The following ZMYM5 variants were observed in gnomAD, a reference collection of about 807,000 sequenced individuals.
ZMYM5 encodes the protein zinc finger MYM-type containing 5.
A neutral mutation model predicts 61.8 loss-of-function variants in ZMYM5; 41 were observed. That is an observed-to-expected ratio of 0.66 (90% CI 0.52 to 0.86). ZMYM5 has a LOEUF of 0.86. Ranked by LOEUF, ZMYM5 falls within the 40% of genes least tolerant of loss-of-function variation. The pLI, the probability that ZMYM5 is intolerant of heterozygous loss-of-function variation, is 0.00. For missense variants in ZMYM5, 706 were observed against 786.7 expected (o/e 0.90, Z 1.23); for synonymous variants, 257 against 276.4 (o/e 0.93, Z 0.70).
chr13:19,852,444 C>T (rs184413112), intron 2 of ZMYM5, among the ~76,000 whole-genome samples: 2 of 152,150 alleles, frequency 1.3e-5, no homozygotes, highest in East Asian at 3.9e-4. Context: ...TGAAAAAATG[C>T]CTGCCTTCCT....
At position 19,826,733 on chromosome 13, in the gene ZMYM5, G is replaced by A. The variant is rs1243473795; in HGVS notation, c.1252-1498C>T. Among the ~76,000 whole-genome samples, 8 of 149,228 alleles carry A rather than the reference G, an allele frequency of 5.4e-5. No individual in the cohort carries two copies. The East Asian group carries it at 7.9e-4, about 15-fold the overall frequency. On this transcript the variant is annotated intron_variant, in intron 7 of 7. Transcript: ENST00000337963. The stretch of plus-strand genomic sequence containing the variant: ...CTCGCCACTGCACTCCAGCCTGGGC[G>A]ACAGGAGGGAGACTCCGTCTCGTTA...
At position 19,837,741 on chromosome 13, in the gene ZMYM5, C is replaced by T; in HGVS notation, c.953G>A (p.Cys318Tyr). 1 of 1,585,810 alleles carries T rather than the reference C, an allele frequency of 6.3e-7. No homozygotes were observed. The highest frequency in any genetic ancestry group is 8.5e-7 in the Non-Finnish European group (1 of 1,172,948). ...CCAGTTGTTTTCACAGGGAGACAAA[C>T]AAGATGTACTATAAAATTCTTGGAA... ...KSFQEFYSTS[C>Y]LSPCENNWNL... Residue 318 changes from cysteine to tyrosine, a missense_variant, in exon 6 of 8, where the codon TGT becomes TAT. Cys to Tyr is a radical substitution (Grantham distance 194, BLOSUM62 -2). Transcript: ENST00000337963.
In ZMYM5 at chr13:19,860,101, CAAAAAAAAAAAAAAA is replaced by C. The variant is rs537760988; in HGVS notation, c.-11+2283_-11+2297del. ...CCTGGGTGACAGGGCAAGACTGTCT[CAAAAAAAAAAAAAAA>C]AAAAAAAAGAGGAAAAAAAAAGAAT... is the stretch of plus-strand genomic sequence containing the variant. On this transcript the variant is annotated intron_variant, in intron 2 of 7. Coordinates refer to ENST00000337963, the MANE Select transcript of ZMYM5 (RefSeq NM_001142684.2). 0.011 allele frequency among the ~76,000 whole-genome samples: 355 copies of C among 31,332 alleles called. 12 individuals are homozygous for C. In the South Asian group the frequency reaches 0.16, roughly 14 times the overall value. The allele number at this position is 31,332 out of a possible 152,430, so 20.6% of individuals were successfully genotyped here.
chr13:19,848,020 G>C (rs942393504), intron 4 of ZMYM5, among the ~76,000 whole-genome samples: 1 of 151,662 alleles, frequency 6.6e-6, no homozygotes, highest in South Asian at 2.1e-4. Flanking sequence ...GCCCAGGCTG[G>C]AGTGCAGTGG....
Position 19,824,466 on chromosome 13 carries a change from A to G in ZMYM5, c.*11T>C. ...ATTCTGATCATCATGCCAAAAAACA[A>G]CTCAGGTATATTACGTGTACAACAA... On this transcript the variant is annotated 3_prime_UTR_variant, in exon 8 of 8. Coordinates refer to ENST00000337963, the MANE Select transcript of ZMYM5 (RefSeq NM_001142684.2). 1 of 1,278,816 alleles carries G rather than the reference A, an allele frequency of 7.8e-7. No homozygotes were observed. The highest frequency in any genetic ancestry group is 1.0e-6 in the Non-Finnish European group (1 of 986,396). 79.2% of individuals were successfully genotyped at this position (1,278,816 alleles called of 1,614,324 possible).
Position 19,823,789 on chromosome 13 carries a change from G to C in ZMYM5, c.*688C>G, listed in dbSNP as rs1246093797. The C allele has an allele frequency of 7.2e-5, 11 of 152,042 alleles. No individual in the cohort carries two copies. Among genetic ancestry groups the C allele is most frequent in the African/African-American group, 1.9e-4 (8 of 41,396 alleles). The allele number at this position is 152,042 out of a possible 1,614,324, so 9.4% of individuals were successfully genotyped here. A position where few individuals can be genotyped will look rare whatever the true frequency, so the allele number is the denominator to read the frequency against. ...TCACATAAGTATCTTATTCAAACTG[G>C]TATTGATCAATTCAAGCCTTTCTTT... On this transcript the variant is annotated 3_prime_UTR_variant, in exon 8 of 8. Coordinates refer to ENST00000337963, the MANE Select transcript of ZMYM5 (RefSeq NM_001142684.2).
intron 7 of ZMYM5, among the ~76,000 whole-genome samples, chr13:19,827,916 G>A (rs892661348): frequency 5.3e-5 from 8 of 150,184 alleles, no homozygotes; most frequent in African/African-American, 2.0e-4. Context: ...CTACTCGGGA[G>A]GCTGAGGCAA....
At chr13:19,852,269 A>T in intron 2 of ZMYM5, 79 bp from the exon 3 acceptor site, 1 of 1,395,172 alleles carries the variant, frequency 7.2e-7, no homozygotes, top group East Asian at 2.4e-5. Flanking sequence ...TAGCACAAGC[A>T]AATTTTTCAA....
intron 4 of ZMYM5, among the ~76,000 whole-genome samples, chr13:19,850,812 T>A (rs1953260175): frequency 2.0e-5 from 3 of 152,210 alleles, no homozygotes; most frequent in Admixed American, 1.3e-4. Flanking sequence ...TCAATTAAAA[T>A]ATTTTAGATG....
chr13:19,854,647 C>A (rs1169734791), intron 2 of ZMYM5, among the ~76,000 whole-genome samples: 1 of 147,524 alleles, frequency 6.8e-6, no homozygotes, highest in Non-Finnish European at 1.5e-5. Context: ...AAAAAAAAAC[C>A]TCAATGTAAT....
At chr13:19,842,313 T>C (rs977392405) in intron 4 of ZMYM5, among the ~76,000 whole-genome samples, 1 of 152,184 alleles carries the variant, frequency 6.6e-6, no homozygotes, top group Non-Finnish European at 1.5e-5. Context: ...TAAATTTAAA[T>C]ACAATTCAAC....
intron 2 of ZMYM5, among the ~76,000 whole-genome samples, chr13:19,854,111 G>T (rs749682058): frequency 1.3e-5 from 2 of 152,102 alleles, no homozygotes; most frequent in Non-Finnish European, 1.5e-5. Flanking sequence ...CTGGGTTCCA[G>T]TGATTCTTCT....
chr13:19,843,107 C>T (rs560144060), intron 4 of ZMYM5, among the ~76,000 whole-genome samples: 8 of 151,462 alleles, frequency 5.3e-5, no homozygotes, highest in Non-Finnish European at 1.0e-4. Flanking sequence ...TGAGCCACTG[C>T]ATCCAGCAGA....
chr13:19,842,831 G>A (rs915254302), intron 4 of ZMYM5, among the ~76,000 whole-genome samples: 2 of 151,374 alleles, frequency 1.3e-5, no homozygotes, highest in African/African-American at 2.4e-5. Flanking sequence ...ATGGTGGCAG[G>A]TGCCTGTAAT....
chr13:19,824,400 TACTG>T lies in ZMYM5; in HGVS notation c.*73_*76del, dbSNP rs1890804660. The T allele has an allele frequency of 1.7e-6, 2 of 1,207,994 alleles. No individual in the cohort carries two copies. Among genetic ancestry groups the T allele is most frequent in the Non-Finnish European group, 2.1e-6 (2 of 950,274 alleles). The allele number at this position is 1,207,994 out of a possible 1,614,324, so 74.8% of individuals were successfully genotyped here. On this transcript the variant is annotated 3_prime_UTR_variant, in exon 8 of 8. Transcript: ENST00000337963. ...GTAGAGGAGACTTACAACACAATAG[TACTG>T]ACTATTGCAGGACAGATGTTTTCTG...
chr13:19,847,803 AT>A (rs34176871), intron 4 of ZMYM5, among the ~76,000 whole-genome samples: 7,054 of 79,494 alleles, frequency 0.089, 117 homozygotes, highest in Middle Eastern at 0.18. Flanking sequence ...TGCCCGGCTA[AT>A]TTTTTTTTTT....
In ZMYM5 at chr13:19,837,238, C is replaced by T. The variant is rs114854828; in HGVS notation, c.1038+418G>A. 6.8e-3 allele frequency among the ~76,000 whole-genome samples: 1,036 copies of T among 152,150 alleles called. 15 individuals carry two copies. The highest frequency in any genetic ancestry group is 0.024 in the African/African-American group (985 of 41,526). ...TTCACCCTGTTGGCCAGGTTGGTCTCGAACTCCTGACTTCAAGATATCCAC... is the reference window on the plus strand; with the variant it reads ...TTCACCCTGTTGGCCAGGTTGGTCTTGAACTCCTGACTTCAAGATATCCAC... On this transcript the variant is annotated intron_variant, in intron 6 of 7. Transcript: ENST00000337963.
intron 1 of ZMYM5, among the ~76,000 whole-genome samples, chr13:19,863,145 GGAGA>G: frequency 6.6e-6 from 1 of 151,358 alleles, no homozygotes. Context: ...CTATGCGGCA[GGAGA>G]GAAAGAAAAA....
Position 19,857,721 on chromosome 13 carries a change from A to C in ZMYM5, c.-11+4678T>G, listed in dbSNP as rs571904833. The stretch of plus-strand genomic sequence containing the variant: ...CAACAAACTGAGAACTCATCTCTAC[A>C]AAAAAATAAAGGCCAGGTACAGTGG... On this transcript the variant is annotated intron_variant, in intron 2 of 7. Coordinates refer to ENST00000337963, the MANE Select transcript of ZMYM5 (RefSeq NM_001142684.2). Among the ~76,000 whole-genome samples, 6 of 152,160 alleles carry C rather than the reference A, an allele frequency of 3.9e-5. No individual in the cohort carries two copies. In the South Asian group the frequency reaches 1.2e-3, roughly 32 times the overall value.
Sources: allele counts gnomAD v4.1 joint callset (sites outside exome capture counted in the v4.1 genomes callset), GRCh38; gene constraint gnomAD v4.1.1; transcripts MANE v1.5; gene names NCBI Gene and HGNC (gene_info 2026-07-23, HGNC 2026-07-21).